SGCZ: variants seen among roughly 807,000 people sequenced by gnomAD.
The protein encoded by SGCZ is sarcoglycan zeta.
Under a neutral mutation model 41.3 loss-of-function variants are expected in SGCZ, and 40 were observed. The observed-to-expected ratio is 0.97, with a 90% CI of 0.75 to 1.26. The LOEUF is 1.26. SGCZ is among the 50% of genes most tolerant of loss of function. The pLI, the probability that SGCZ is intolerant of heterozygous loss-of-function variation, is 0.00. For synonymous variants in SGCZ, 206 were observed against 137.5 expected (o/e 1.50, Z -3.49); for missense variants, 552 against 369.8 (o/e 1.49, Z -4.04).
At chr8:14,730,044 C>T (rs1341163890) in intron 1 of SGCZ, among the ~76,000 whole-genome samples, 1 of 152,132 alleles carries the variant, frequency 6.6e-6, no homozygotes, top group Non-Finnish European at 1.5e-5. Flanking sequence ...CGAGATCGTG[C>T]CAGGGCACTA....
intron 4 of SGCZ, among the ~76,000 whole-genome samples, chr8:14,169,288 G>A (rs1174141414): frequency 6.6e-6 from 1 of 152,074 alleles, no homozygotes; most frequent in Non-Finnish European, 1.5e-5. Context: ...GTCTCCCCCT[G>A]CTCCCAGTAC....
intron 2 of SGCZ, 74 bp downstream of exon 2, chr8:14,554,657 TA>T (rs1803975073): frequency 8.1e-7 from 1 of 1,229,894 alleles, no homozygotes; most frequent in African/African-American, 1.5e-5. Context: ...AACTTTTGAT[TA>T]AAAAATTAAA....
At chr8:14,397,238 T>C (rs541581246) in intron 2 of SGCZ, among the ~76,000 whole-genome samples, 3 of 152,166 alleles carry the variant, frequency 2.0e-5, no homozygotes, top group Non-Finnish European at 2.9e-5. Flanking sequence ...GATGAGGCTA[T>C]TTATAATTTT....
intron 1 of SGCZ, among the ~76,000 whole-genome samples, chr8:14,696,726 G>A (rs1808975197): frequency 6.6e-6 from 1 of 151,620 alleles, no homozygotes; most frequent in African/African-American, 2.4e-5. Flanking sequence ...CTTGCCTATT[G>A]TATGCTGCCT....
intron 5 of SGCZ, among the ~76,000 whole-genome samples, chr8:14,144,490 T>C (rs1027946477): frequency 2.0e-5 from 3 of 152,140 alleles, no homozygotes; most frequent in Non-Finnish European, 4.4e-5. Context: ...GGAACTATGT[T>C]GAGGGCATTG....
intron 2 of SGCZ, among the ~76,000 whole-genome samples, chr8:14,438,062 T>G (rs1252561673): frequency 6.6e-6 from 1 of 151,970 alleles, no homozygotes; most frequent in Non-Finnish European, 1.5e-5. Context: ...GCATGGTAAA[T>G]AAATCTTTCC....
rs371763624 is a variant in SGCZ at position 14,414,875 on chromosome 8, T to A, written c.235-90671A>T. Reference sequence around the variant, plus strand: ...ATAAATTCAAAATTGGAAGTTTTAATGTGAGTGGTAACCTACTTTGAAATT... The same window carrying A: ...ATAAATTCAAAATTGGAAGTTTTAAAGTGAGTGGTAACCTACTTTGAAATT... On this transcript the variant is annotated intron_variant, in intron 2 of 7. Transcript: ENST00000382080. Among the ~76,000 whole-genome samples the A allele has an allele frequency of 7.3e-4, 111 of 152,140 alleles. 3 individuals are homozygous for A. Among genetic ancestry groups the A allele is most frequent in the African/African-American group, 2.6e-3 (109 of 41,568 alleles).
chr8:14,710,651 T>C (rs1000716320), intron 1 of SGCZ, among the ~76,000 whole-genome samples: 2 of 152,078 alleles, frequency 1.3e-5, no homozygotes, highest in Non-Finnish European at 2.9e-5. Flanking sequence ...AATAAGAATA[T>C]ACAAATAAAA....
At chr8:15,112,028 C>T (rs1242150628) in intron 1 of SGCZ, among the ~76,000 whole-genome samples, 1 of 152,190 alleles carries the variant, frequency 6.6e-6, no homozygotes, top group Non-Finnish European at 1.5e-5. Flanking sequence ...TCAAGGCCTG[C>T]CTTCTGGTAA....
At chr8:14,539,478 G>C (rs1158611985) in intron 2 of SGCZ, among the ~76,000 whole-genome samples, 2 of 146,462 alleles carry the variant, frequency 1.4e-5, no homozygotes, top group African/African-American at 2.7e-5. Flanking sequence ...GAGGATATTG[G>C]GGAAGATTGG....
At chr8:14,228,913 T>C (rs571852402) in intron 4 of SGCZ, among the ~76,000 whole-genome samples, 2 of 152,272 alleles carry the variant, frequency 1.3e-5, no homozygotes, top group African/African-American at 4.8e-5. Flanking sequence ...ACCCTTGGTC[T>C]TGAGAAGTAG....
At chr8:14,507,184 A>T (rs1359082230) in intron 2 of SGCZ, among the ~76,000 whole-genome samples, 1 of 145,864 alleles carries the variant, frequency 6.9e-6, no homozygotes, top group Non-Finnish European at 1.5e-5. Context: ...CAATCTGCAA[A>T]TCAAGTCAAC....
intron 1 of SGCZ, among the ~76,000 whole-genome samples, chr8:15,155,089 C>T (rs573769713): frequency 4.6e-5 from 7 of 152,032 alleles, no homozygotes; most frequent in East Asian, 3.9e-4. Flanking sequence ...CCCAGGAGTT[C>T]GAGACCAGCC....
At chr8:14,836,108 T>A (rs1032717803) in intron 1 of SGCZ, among the ~76,000 whole-genome samples, 9 of 152,042 alleles carry the variant, frequency 5.9e-5, no homozygotes, top group Non-Finnish European at 1.2e-4. Flanking sequence ...GCCCCCATCA[T>A]TTTTACTGCC....
intron 1 of SGCZ, among the ~76,000 whole-genome samples, chr8:15,189,490 C>T (rs1800460733): frequency 1.3e-5 from 2 of 152,080 alleles, no homozygotes. Context: ...ACAGTCTTAA[C>T]ATACATTTCT....
intron 2 of SGCZ, among the ~76,000 whole-genome samples, chr8:14,384,011 C>T (rs1276501870): frequency 1.3e-5 from 2 of 150,818 alleles, no homozygotes; most frequent in Non-Finnish European, 2.9e-5. Flanking sequence ...GGTACATGTG[C>T]ACAACATGTA....
chr8:14,377,496 T>C (rs911133541), intron 2 of SGCZ, among the ~76,000 whole-genome samples: 1 of 152,060 alleles, frequency 6.6e-6, no homozygotes, highest in African/African-American at 2.4e-5. Flanking sequence ...CCCTTGATTT[T>C]TTTTTATTAT....
rs981556971 is a variant in SGCZ, at chr8:14,930,814, C to T, written c.39+306771G>A. Reference sequence around the variant, plus strand: ...TGGACACAGGGAGGGGAACATCACACACCAGGGCTTGTCAGAGGGGTGAGG... The same window carrying T: ...TGGACACAGGGAGGGGAACATCACATACCAGGGCTTGTCAGAGGGGTGAGG... On this transcript the variant is annotated intron_variant, in intron 1 of 7. Coordinates refer to ENST00000382080, the MANE Select transcript of SGCZ (RefSeq NM_139167.4). Among the ~76,000 whole-genome samples the T allele has an allele frequency of 4.0e-5, 6 of 151,748 alleles. 1 individual carries two copies. The highest frequency in any genetic ancestry group is 1.2e-4 in the African/African-American group (5 of 41,164).
intron 1 of SGCZ, among the ~76,000 whole-genome samples, chr8:14,644,312 T>C (rs965511174): frequency 2.0e-5 from 3 of 151,756 alleles, no homozygotes; most frequent in Admixed American, 6.6e-5. Flanking sequence ...GGGCAGATGC[T>C]GAGGTTTCCC....
Sources: gnomAD v4.1 joint callset for allele counts (sites outside exome capture counted in the v4.1 genomes callset) on GRCh38, gnomAD v4.1.1 for gene constraint, MANE v1.5 for transcripts, NCBI Gene and HGNC (gene_info 2026-07-23, HGNC 2026-07-21) for gene names.